Variants in DIAPH3 observed in about 807,000 individuals in gnomAD.
DIAPH3 encodes the protein diaphanous related formin 3, also known as protein diaphanous homolog 3.
A neutral mutation model predicts 144.3 loss-of-function variants in DIAPH3; 117 were observed. The observed-to-expected ratio is 0.81, with a 90% confidence interval of 0.70 to 0.95. The LOEUF (loss-of-function observed/expected upper bound fraction) is 0.95, where lower values mean the gene tolerates loss of function less well. Among genes scored for constraint, DIAPH3 ranks in the 40% least tolerant of loss-of-function variants. The pLI is 0.00. For synonymous variants in DIAPH3, 519 were observed against 488.9 expected, an observed-to-expected ratio of 1.06 and a Z score of -0.81; for missense variants, 1,421 against 1,412.7, an observed-to-expected ratio of 1.01 and a Z score of -0.09.
chr13:60,160,451 T>G (rs534881609), intron 1 of DIAPH3, among the ~76,000 whole-genome samples: 1 of 152,178 alleles, frequency 6.6e-6, no homozygotes, highest in Non-Finnish European at 1.5e-5. Flanking sequence ...ATCCTAGAGA[T>G]GGACACTTCT....
At chr13:60,101,715 G>A (rs1470654849) in intron 3 of DIAPH3, among the ~76,000 whole-genome samples, 1 of 151,986 alleles carries the variant, frequency 6.6e-6, no homozygotes, top group Non-Finnish European at 1.5e-5. Flanking sequence ...GACCACACCT[G>A]GACCTTTTCA....
intron 17 of DIAPH3, among the ~76,000 whole-genome samples, chr13:59,937,430 C>T (rs1367655292): frequency 4.6e-5 from 7 of 152,062 alleles, no homozygotes; most frequent in Non-Finnish European, 7.4e-5. Flanking sequence ...AGCATGGTGT[C>T]GAATGGAAAG....
intron 27 of DIAPH3, among the ~76,000 whole-genome samples, chr13:59,750,846 G>A (rs191230722): frequency 3.3e-5 from 5 of 152,146 alleles, no homozygotes; most frequent in African/African-American, 1.2e-4. Flanking sequence ...TACCTCTGAG[G>A]GACTGGTGTC....
intron 27 of DIAPH3, among the ~76,000 whole-genome samples, chr13:59,762,508 T>A (rs1013171641): frequency 2.0e-5 from 3 of 152,156 alleles, no homozygotes; most frequent in African/African-American, 7.2e-5. Flanking sequence ...CTGGTTACAA[T>A]GTTTCTATTA....
chr13:60,023,634 AT>A (rs2054175655), intron 5 of DIAPH3, among the ~76,000 whole-genome samples: 1 of 151,290 alleles, frequency 6.6e-6, no homozygotes, highest in Admixed American at 6.6e-5. Flanking sequence ...GGGTTTCACC[AT>A]TTTGGCCAGG....
At chr13:60,071,323 A>G (rs370780284) in intron 4 of DIAPH3, among the ~76,000 whole-genome samples, 37 of 152,246 alleles carry the variant, frequency 2.4e-4, no homozygotes, top group African/African-American at 8.7e-4. Context: ...TGCATTCCTC[A>G]GAGTTCTAGG....
chr13:59,903,828 C>T (rs1021297370), intron 20 of DIAPH3, among the ~76,000 whole-genome samples: 3 of 152,160 alleles, frequency 2.0e-5, no homozygotes, highest in African/African-American at 7.2e-5. Context: ...TTATTTCATA[C>T]ATTCACTTAA....
intron 22 of DIAPH3, among the ~76,000 whole-genome samples, chr13:59,842,680 G>GA (rs1389648735): frequency 6.6e-6 from 1 of 152,066 alleles, no homozygotes; most frequent in Non-Finnish European, 1.5e-5. Context: ...TAAATCTGGG[G>GA]ATTCCCAAAA....
intron 5 of DIAPH3, among the ~76,000 whole-genome samples, chr13:60,019,550 T>G (rs576755887): frequency 6.6e-6 from 1 of 151,298 alleles, no homozygotes; most frequent in South Asian, 2.1e-4. Flanking sequence ...CATTTCCTAG[T>G]AGGGGTCTCA....
intron 3 of DIAPH3, among the ~76,000 whole-genome samples, chr13:60,103,863 G>C (rs919700798): frequency 6.6e-6 from 1 of 152,052 alleles, no homozygotes; most frequent in Non-Finnish European, 1.5e-5. Context: ...GTGTAATTCT[G>C]TTCTTAACTA....
Position 59,825,464 on chromosome 13 carries a change from C to A in DIAPH3, c.3027+7643G>T, listed in dbSNP as rs145974897. 1.7e-3 allele frequency among the ~76,000 whole-genome samples: 258 copies of A among 152,196 alleles called. 4 individuals carry two copies. Among genetic ancestry groups the A allele is most frequent in the East Asian group, 0.012 (61 of 5,178 alleles). On this transcript the variant is annotated intron_variant, in intron 24 of 27. Coordinates refer to ENST00000400324, the MANE Select transcript of DIAPH3 (RefSeq NM_001042517.2). ...TTGGACATTTGGGTTGGTTCCAAGTCTTTGCTATTGTGAATAGTGTACAAT... is the reference window on the plus strand; with the variant it reads ...TTGGACATTTGGGTTGGTTCCAAGTATTTGCTATTGTGAATAGTGTACAAT...
intron 17 of DIAPH3, among the ~76,000 whole-genome samples, chr13:59,962,054 T>C: frequency 6.6e-6 from 1 of 152,096 alleles, no homozygotes; most frequent in East Asian, 1.9e-4. Context: ...TTGGATGAAA[T>C]ATTTCATTAC....
At chr13:59,693,450 T>C (rs1479761467) in intron 27 of DIAPH3, among the ~76,000 whole-genome samples, 1 of 152,192 alleles carries the variant, frequency 6.6e-6, no homozygotes, top group African/African-American at 2.4e-5. Flanking sequence ...TAAAAGTGTA[T>C]GACATTATTC....
intron 27 of DIAPH3, among the ~76,000 whole-genome samples, chr13:59,772,539 C>T (rs2038175429): frequency 6.6e-6 from 1 of 151,938 alleles, no homozygotes; most frequent in Non-Finnish European, 1.5e-5. Context: ...TGCTCATCTG[C>T]TATATATATA....
rs971664298 is a variant in DIAPH3, at chr13:59,984,564, T to C, written c.1362-677A>G. On this transcript the variant is annotated intron_variant, in intron 12 of 27. Transcript: ENST00000400324. Reference sequence around the variant, plus strand: ...ATTTTGAAAGGATCAACAAAATTGATAGATCGCTAGCAAGACTAATAAAGA... The same window carrying C: ...ATTTTGAAAGGATCAACAAAATTGACAGATCGCTAGCAAGACTAATAAAGA... Among the ~76,000 whole-genome samples, 9 of 151,788 alleles carry C rather than the reference T, an allele frequency of 5.9e-5. No individual in the cohort carries two copies. The East Asian group carries it at 9.7e-4, about 16-fold the overall frequency.
At chr13:59,924,235 T>C (rs911309053) in intron 18 of DIAPH3, among the ~76,000 whole-genome samples, 2 of 152,208 alleles carry the variant, frequency 1.3e-5, no homozygotes, top group Admixed American at 6.6e-5. Flanking sequence ...TAATACTGAG[T>C]ATTTAGCTCC....
chr13:60,163,560 C>T (rs1281434270), intron 1 of DIAPH3, 27 bp downstream of exon 1: 1 of 1,568,888 alleles, frequency 6.4e-7, no homozygotes, highest in Non-Finnish European at 8.7e-7. Flanking sequence ...CGGGAGCGGC[C>T]CCACCCTAGC....
chr13:60,138,787 G>A (rs963527299), intron 1 of DIAPH3, among the ~76,000 whole-genome samples: 1 of 130,038 alleles, frequency 7.7e-6, no homozygotes, highest in African/African-American at 2.8e-5. Flanking sequence ...GAGAAGAAGG[G>A]GAAGAGGGAA....
At chr13:59,723,832 C>T (rs11843895) in intron 27 of DIAPH3, among the ~76,000 whole-genome samples, 3,417 of 151,408 alleles carry the variant, frequency 0.023, 89 homozygotes, top group East Asian at 0.12. Context: ...CCAGGCTGGT[C>T]TCGAACTCCT....
Sources: gnomAD v4.1 joint callset for allele counts (sites outside exome capture counted in the v4.1 genomes callset) on GRCh38, gnomAD v4.1.1 for gene constraint, MANE v1.5 for transcripts, NCBI Gene and HGNC (gene_info 2026-07-23, HGNC 2026-07-21) for gene names.